EVC: variants seen among roughly 807,000 people sequenced by gnomAD.
EVC encodes EvC ciliary complex subunit 1.
EVC carries 116 observed loss-of-function variants against 118.9 expected under a neutral mutation model. That is an observed-to-expected ratio of 0.98 (90% CI 0.84 to 1.14). The LOEUF is 1.14. Among genes scored for constraint, EVC ranks in the 50% most tolerant of loss-of-function variants. The probability of loss-of-function intolerance (pLI) is 0.00; values close to 1 mark genes in which losing one functional copy is unlikely to be tolerated. For synonymous variants in EVC, 619 were observed against 534.7 expected, an observed-to-expected ratio of 1.16 and a Z score of -2.18; for missense variants, 1,401 against 1,246.4, an observed-to-expected ratio of 1.12 and a Z score of -1.87.
At chr4:5,799,424 T>C (rs190707503) in intron 15 of EVC, among the ~76,000 whole-genome samples, 202 of 152,354 alleles carry the variant, frequency 1.3e-3, no homozygotes, top group Non-Finnish European at 2.1e-3. Context: ...CAGGATCATT[T>C]TTCTTCCCGT....
At position 5,748,654 on chromosome 4, in the gene EVC, AT is replaced by A. The variant is rs1560330919; in HGVS notation, c.1098+349del. On this transcript the variant is annotated intron_variant, in intron 8 of 20. Coordinates refer to ENST00000264956, the MANE Select transcript of EVC (RefSeq NM_153717.3). ...CATCTGCCCTCCCACCCATTTATCCATCCATCCATCCCTCCATCCATCCATC... is the reference window on the plus strand; with the variant it reads ...CATCTGCCCTCCCACCCATTTATCCACCATCCATCCCTCCATCCATCCATC... 4.2e-4 allele frequency among the ~76,000 whole-genome samples: 36 copies of A among 86,308 alleles called. 1 individual carries two copies. Among genetic ancestry groups the A allele is most frequent in the African/African-American group, 1.6e-3 (36 of 22,312 alleles). 56.6% of individuals were successfully genotyped at this position (86,308 alleles called of 152,430 possible).
In EVC at chr4:5,810,698, A is replaced by T. The variant is rs2279249; in HGVS notation, c.2894+248A>T. On this transcript the variant is annotated intron_variant, in intron 20 of 20. Coordinates refer to ENST00000264956, the MANE Select transcript of EVC (RefSeq NM_153717.3). ...CAGATGAGCCTTGACCTACCTCCAC[A>T]CCCCATTGGCATCCAGCCTGAAGTG... 0.15 allele frequency among the ~76,000 whole-genome samples: 22,399 copies of T among 151,954 alleles called. 1,794 individuals carry two copies. The highest frequency in any genetic ancestry group is 0.17 in the African/African-American group (7,168 of 41,434).
chr4:5,739,584 T>C (rs1182038134), intron 5 of EVC, among the ~76,000 whole-genome samples: 1 of 152,086 alleles, frequency 6.6e-6, no homozygotes, highest in African/African-American at 2.4e-5. Context: ...AAAAGAAGGA[T>C]CAAAAACTGT....
In EVC at chr4:5,711,461, G is replaced by C; in HGVS notation, c.81G>C (p.Leu27=). Residue 27 remains leucine (L), a synonymous_variant, in exon 1 of 21, where the codon CTG becomes CTC. Transcript: ENST00000264956. ...GRDALRPAPA[L]LAPAVLLGAA... Reference sequence around the variant, plus strand: ...ACGCGCTGCGGCCGGCGCCCGCCCTGCTGGCCCCCGCCGTGCTGCTGGGCG... The same window carrying C: ...ACGCGCTGCGGCCGGCGCCCGCCCTCCTGGCCCCCGCCGTGCTGCTGGGCG... 1 of 1,048,734 alleles carries C rather than the reference G, an allele frequency of 9.5e-7. No homozygotes were observed. The highest frequency in any genetic ancestry group is 1.1e-6 in the Non-Finnish European group (1 of 874,096). The allele number at this position is 1,048,734 out of a possible 1,614,324, so 65.0% of individuals were successfully genotyped here. A position where few individuals can be genotyped will look rare whatever the true frequency, so the allele number is the denominator to read the frequency against.
At chr4:5,791,030 GC>G (rs1490562390) in intron 12 of EVC, among the ~76,000 whole-genome samples, 5 of 148,760 alleles carry the variant, frequency 3.4e-5, no homozygotes, top group Non-Finnish European at 7.5e-5. Flanking sequence ...GGGAGGTGAA[GC>G]TTGCAGTGAG....
chr4:5,814,971 T>C (rs755086911), downstream of EVC, among the ~76,000 whole-genome samples: 1 of 152,122 alleles, frequency 6.6e-6, no homozygotes, highest in Non-Finnish European at 1.5e-5. Context: ...TTGTCCAAGT[T>C]CATCACTATA....
intron 1 of EVC, 98 bp downstream of exon 1, chr4:5,711,652 C>T (rs1444508431): frequency 3.1e-6 from 3 of 964,440 alleles, no homozygotes; most frequent in Non-Finnish European, 3.8e-6. Context: ...ACTCCTTGAG[C>T]CTGGTTGGGA....
chr4:5,824,448 G>A, the EVC span: 169 of 985,132 alleles, frequency 1.7e-4, no homozygotes, highest in Non-Finnish European at 2.0e-4. Context: ...TGGATAAGAG[G>A]TTCTGCCACC....
At chr4:5,800,912 T>C (rs1022706344) in intron 15 of EVC, among the ~76,000 whole-genome samples, 22 of 152,154 alleles carry the variant, frequency 1.4e-4, no homozygotes, top group African/African-American at 5.3e-4. Flanking sequence ...TGAGAGTAAG[T>C]GGGTATTTTT....
downstream of EVC, among the ~76,000 whole-genome samples, chr4:5,818,311 A>G (rs1456252395): frequency 1.3e-5 from 2 of 152,178 alleles, no homozygotes; most frequent in Admixed American, 1.3e-4. Flanking sequence ...GTATGTCTTT[A>G]TCAGCAGAGT....
the EVC span, chr4:5,824,803 G>A: frequency 1.0e-6 from 1 of 985,370 alleles, no homozygotes; most frequent in Middle Eastern, 5.2e-4. Flanking sequence ...GAGTTTGCAG[G>A]ACAAAATTCC....
chr4:5,724,148 G>C (rs955437046), intron 2 of EVC, among the ~76,000 whole-genome samples: 1 of 152,244 alleles, frequency 6.6e-6, no homozygotes, highest in Admixed American at 6.5e-5. Context: ...ACAGATGTGT[G>C]ATAATTAAAT....
intron 12 of EVC, among the ~76,000 whole-genome samples, chr4:5,793,288 T>C (rs1713141678): frequency 6.6e-6 from 1 of 152,058 alleles, no homozygotes; most frequent in Non-Finnish European, 1.5e-5. Context: ...AATAAATTAT[T>C]TAATAAACAC....
chr4:5,802,957 G>A (rs912222010), intron 16 of EVC, among the ~76,000 whole-genome samples: 1 of 152,132 alleles, frequency 6.6e-6, no homozygotes, highest in East Asian at 1.9e-4. Context: ...TCGTCTGTGA[G>A]CTTCCTGGTG....
intron 12 of EVC, among the ~76,000 whole-genome samples, chr4:5,788,209 T>C (rs1240089577): frequency 3.3e-5 from 5 of 152,318 alleles, no homozygotes; most frequent in South Asian, 2.1e-4. Context: ...CATGCACTTA[T>C]TGTCTCACAA....
intron 11 of EVC, among the ~76,000 whole-genome samples, chr4:5,772,359 G>A (rs542822259): frequency 5.2e-4 from 68 of 131,106 alleles, no homozygotes; most frequent in African/African-American, 1.6e-3. Flanking sequence ...GAGAAGAGTC[G>A]TTCAAGAAGC....
In EVC at chr4:5,711,411, G is replaced by C; in HGVS notation, c.31G>C (p.Asp11His). The change falls in exon 1 of 21, where the codon GAC (aspartate) becomes CAC (histidine). Residue 11 changes from aspartate (D) to histidine (H), a missense_variant. By Grantham distance (81) the Asp-to-His change is moderately conservative. Coordinates refer to ENST00000264956, the MANE Select transcript of EVC (RefSeq NM_153717.3). The part of the protein sequence containing the change: MARGGAACKS[D>H]ARLLLGRDAL... ...CCGCGGCGGGGCGGCCTGCAAGAGCGACGCGCGGCTGCTGCTGGGGCGGGA... is the reference window on the plus strand; with the variant it reads ...CCGCGGCGGGGCGGCCTGCAAGAGCCACGCGCGGCTGCTGCTGGGGCGGGA... 1 of 1,022,690 alleles carries C rather than the reference G, an allele frequency of 9.8e-7. No individual in the cohort carries two copies. The highest frequency in any genetic ancestry group is 1.7e-5 in the African/African-American group (1 of 57,624). The allele number at this position is 1,022,690 out of a possible 1,614,324, so 63.4% of individuals were successfully genotyped here.
chr4:5,795,155 A>C (rs1358298657), intron 13 of EVC, among the ~76,000 whole-genome samples: 2 of 152,184 alleles, frequency 1.3e-5, no homozygotes, highest in Non-Finnish European at 1.5e-5. Flanking sequence ...AGGTTGATTC[A>C]GTGTCTTTGC....
At position 5,725,566 on chromosome 4, in the gene EVC, G is replaced by A. The variant is rs1266376491; in HGVS notation, c.301-3741G>A. ...CATGTCCTTTGCCCACTTTTTAATG[G>A]GGTTGTTTTATTCTTGTAAATTTGT... is the stretch of plus-strand genomic sequence containing the variant. On this transcript the variant is annotated intron_variant, in intron 2 of 20. Coordinates refer to ENST00000264956, the MANE Select transcript of EVC (RefSeq NM_153717.3). Among the ~76,000 whole-genome samples the A allele has an allele frequency of 2.0e-5, 3 of 152,028 alleles. No homozygotes were observed. In the East Asian group the frequency reaches 5.8e-4, roughly 29 times the overall value.
Sources: gnomAD v4.1 joint callset for allele counts (sites outside exome capture counted in the v4.1 genomes callset) on GRCh38, gnomAD v4.1.1 for gene constraint, MANE v1.5 for transcripts, NCBI Gene and HGNC (gene_info 2026-07-23, HGNC 2026-07-21) for gene names.